The following BIN1 variants were observed in gnomAD, a reference collection of about 807,000 sequenced individuals.
BIN1 encodes bridging integrator 1.
In BIN1, 53 loss-of-function variants were observed where a neutral mutation model predicts 82.0. The observed-to-expected ratio is 0.65, with a 90% CI of 0.52 to 0.81. The LOEUF is 0.81. Ranked by LOEUF, BIN1 falls within the 40% of genes least tolerant of loss-of-function variation. BIN1 has a pLI of 0.00. For missense variants in BIN1, 642 were observed against 784.4 expected, an observed-to-expected ratio of 0.82 and a Z score of 2.17; for synonymous variants, 302 against 328.0, an observed-to-expected ratio of 0.92 and a Z score of 0.86.
chr2:127,078,789 T>A (rs1405181775), intron 1 of BIN1, among the ~76,000 whole-genome samples: 1 of 149,170 alleles, frequency 6.7e-6, no homozygotes, highest in Non-Finnish European at 1.5e-5. Flanking sequence ...GCTGGGGAGG[T>A]TCCTCACCCG....
intron 10 of BIN1, among the ~76,000 whole-genome samples, chr2:127,060,844 G>A (rs980301135): frequency 7.9e-5 from 12 of 152,184 alleles, no homozygotes; most frequent in Non-Finnish European, 5.9e-5. Context: ...CCAGGTGCCC[G>A]AGGTGATGCT....
intron 1 of BIN1, among the ~76,000 whole-genome samples, chr2:127,086,681 A>G (rs1424095999): frequency 6.6e-6 from 1 of 151,704 alleles, no homozygotes; most frequent in East Asian, 1.9e-4. Context: ...CTAATTTTTG[A>G]ATTTTTAGTA....
rs775217345 is a variant in BIN1, at chr2:127,064,044, C to T, written c.613-26G>A. ...CTGGGGGGCAGCACGGGTCATTCCC[C>T]TCTGTTGGGCGTCCCAGCCAGCCCA... On this transcript the variant is annotated intron_variant, in intron 7 of 18. Transcript: ENST00000316724. The T allele has an allele frequency of 1.1e-5, 18 of 1,613,364 alleles. No individual in the cohort carries two copies. The South Asian group carries it at 1.8e-4, about 16-fold the overall frequency.
chr2:127,095,372 C>T (rs1025012566), intron 1 of BIN1, among the ~76,000 whole-genome samples: 13 of 152,202 alleles, frequency 8.5e-5, no homozygotes, highest in African/African-American at 2.4e-4. Context: ...GTCCCCTGCA[C>T]CATGCCTCCC....
In BIN1 at chr2:127,062,677, T is replaced by C. The variant is rs547371032; in HGVS notation, c.775-480A>G. On this transcript the variant is annotated intron_variant, in intron 9 of 18. Coordinates refer to ENST00000316724, the MANE Select transcript of BIN1 (RefSeq NM_139343.3). ...ATATTCCTCTCTTTGATTTGGCCAC[T>C]AGGGAGCTCAGAGCCGAATCTTCAT... 2.6e-5 allele frequency among the ~76,000 whole-genome samples: 4 copies of C among 152,366 alleles called. No homozygotes were observed. In the South Asian group the frequency reaches 8.3e-4, roughly 32 times the overall value.
At chr2:127,085,703 G>C (rs899480595) in intron 1 of BIN1, among the ~76,000 whole-genome samples, 2 of 152,198 alleles carry the variant, frequency 1.3e-5, no homozygotes, top group African/African-American at 4.8e-5. Context: ...AGCACCTCTG[G>C]GGGAATGGGG....
chr2:127,087,143 C>T (rs188797928), intron 1 of BIN1, among the ~76,000 whole-genome samples: 1 of 152,336 alleles, frequency 6.6e-6, no homozygotes, highest in Admixed American at 6.5e-5. Flanking sequence ...TACGTCAGCC[C>T]CACCACAATG....
chr2:127,069,677 G>A (rs1685612507), intron 5 of BIN1, among the ~76,000 whole-genome samples: 1 of 151,568 alleles, frequency 6.6e-6, no homozygotes, highest in Non-Finnish European at 1.5e-5. Context: ...ACATGTGTAG[G>A]CCCTACTCAC....
rs566000397 is a variant in BIN1 at position 127,052,068 on chromosome 2, C to T, written c.1371+187G>A. 8.5e-5 allele frequency among the ~76,000 whole-genome samples: 13 copies of T among 152,350 alleles called. No homozygotes were observed. In the East Asian group the frequency reaches 1.4e-3, roughly 16 times the overall value. On this transcript the variant is annotated intron_variant, in intron 15 of 18. Transcript: ENST00000316724. The stretch of plus-strand genomic sequence containing the variant: ...CAGGAGGGGCTGATGCGCCCAGCTG[C>T]GCTCACTCATCCCTGGCAGCCTTGG...
chr2:127,049,729 A>G (rs951158802), intron 18 of BIN1, among the ~76,000 whole-genome samples: 2 of 152,194 alleles, frequency 1.3e-5, no homozygotes, highest in East Asian at 1.9e-4. Flanking sequence ...GCTCCTGCCA[A>G]GAGTCCAAGG....
In BIN1 at chr2:127,053,450, G is replaced by A. The variant is rs373567000; in HGVS notation, c.1240-5C>T. On this transcript the variant is annotated splice_polypyrimidine_tract_variant and splice_region_variant and intron_variant, in intron 13 of 18. Transcript: ENST00000316724. ...CCAGAGGTCCCATGGAATTGACTGA[G>A]CGCAGCAGTGAGGGCGAGAAGGACA... 2 of 1,613,788 alleles carry A rather than the reference G, an allele frequency of 1.2e-6. No homozygotes were observed. Among genetic ancestry groups the A allele is most frequent in the Non-Finnish European group, 8.5e-7 (1 of 1,179,890 alleles).
rs199822493 is a variant in BIN1 at position 127,088,744 on chromosome 2, A to AC, written c.85-12039_85-12038insG. Among the ~76,000 whole-genome samples the AC allele has an allele frequency of 9.9e-4, 150 of 151,582 alleles. 2 individuals are homozygous for AC. In the South Asian group the frequency reaches 0.015, roughly 15 times the overall value. ...ACAGAGCAAGACCGTATCTCTTAAA[A>AC]AAAAAAAAAAAGAGAGACACTGAAG... is the stretch of plus-strand genomic sequence containing the variant. On this transcript the variant is annotated intron_variant, in intron 1 of 18. Coordinates refer to ENST00000316724, the MANE Select transcript of BIN1 (RefSeq NM_139343.3).
At chr2:127,076,832 A>T (rs893438982) in intron 1 of BIN1, 126 bp from the exon 2 acceptor site, 8 of 1,074,250 alleles carry the variant, frequency 7.4e-6, no homozygotes, top group Admixed American at 1.8e-5. Flanking sequence ...CACCCAGCCC[A>T]GGGTGCCCAC....
chr2:127,105,825 G>A (rs1015818452), intron 1 of BIN1, among the ~76,000 whole-genome samples: 7 of 152,236 alleles, frequency 4.6e-5, no homozygotes, highest in Admixed American at 1.3e-4. Flanking sequence ...GAGGGGGCAG[G>A]CCTGGCCGCG....
At chr2:127,103,863 G>A (rs1245289272) in intron 1 of BIN1, among the ~76,000 whole-genome samples, 9 of 152,238 alleles carry the variant, frequency 5.9e-5, no homozygotes, top group African/African-American at 2.2e-4. Flanking sequence ...ATGGGAAGAT[G>A]ACCTCACGGC....
In BIN1 at chr2:127,063,814, G is replaced by A. The variant is rs564485041; in HGVS notation, c.698+119C>T. The A allele has an allele frequency of 5.8e-5, 83 of 1,435,356 alleles. No individual in the cohort carries two copies. The Middle Eastern group carries it at 1.6e-3, about 28-fold the overall frequency. 88.9% of individuals were successfully genotyped at this position (1,435,356 alleles called of 1,614,324 possible). ...CACTGCAGCACACAGGCTGGGCACC[G>A]CAGCACGCAGACTGGACACCGCAGC... On this transcript the variant is annotated intron_variant, in intron 8 of 18. Coordinates refer to ENST00000316724, the MANE Select transcript of BIN1 (RefSeq NM_139343.3).
At position 127,093,609 on chromosome 2, in the gene BIN1, A is replaced by G. The variant is rs1026326587; in HGVS notation, c.84+13251T>C. ...CCATCATATGTCTACACGGCTGTCC[A>G]TTCCTCACCAACTTATGTCTGAAAA... On this transcript the variant is annotated intron_variant, in intron 1 of 18. Transcript: ENST00000316724. This position sits in a 1 kb window ranked among gnomAD's most constrained non-coding sequence, Gnocchi z 5.7. Among the ~76,000 whole-genome samples the G allele has an allele frequency of 7.2e-5, 11 of 152,198 alleles. No homozygotes were observed. The highest frequency in any genetic ancestry group is 2.4e-4 in the African/African-American group (10 of 41,456).
chr2:127,098,552 C>T (rs767438451), intron 1 of BIN1, among the ~76,000 whole-genome samples: 15 of 152,182 alleles, frequency 9.9e-5, no homozygotes, highest in Non-Finnish European at 2.1e-4. Context: ...CCCAACCACC[C>T]CACCCCCACG....
At chr2:127,092,631 C>T (rs1679077910) in intron 1 of BIN1, among the ~76,000 whole-genome samples, 1 of 152,200 alleles carries the variant, frequency 6.6e-6, no homozygotes, top group African/African-American at 2.4e-5. Context: ...CCCACTGACC[C>T]GCAGCCCCGG....
Sources: allele counts gnomAD v4.1 joint callset (sites outside exome capture counted in the v4.1 genomes callset), GRCh38; gene constraint gnomAD v4.1.1; non-coding constraint Gnocchi (gnomAD v3.1); transcripts MANE v1.5; gene names NCBI Gene and HGNC (gene_info 2026-07-23, HGNC 2026-07-21).